DNAJC15: variants seen among roughly 807,000 people sequenced by gnomAD.
DNAJC15 encodes the protein DnaJ heat shock protein family (Hsp40) member C15.
In DNAJC15, 27 loss-of-function variants were observed where a neutral mutation model predicts 22.4. That is an observed-to-expected ratio of 1.20 (90% confidence interval 0.89 to 1.66). The LOEUF (loss-of-function observed/expected upper bound fraction) is 1.66. Among genes scored for constraint, DNAJC15 ranks in the 40% most tolerant of loss-of-function variants. DNAJC15 has a pLI of 0.00. For missense variants in DNAJC15, 208 were observed against 187.1 expected (o/e 1.11, Z -0.65); for synonymous variants, 79 against 63.2 (o/e 1.25, Z -1.19).
At chr13:43,084,441 G>A (rs1330193852) in intron 4 of DNAJC15, among the ~76,000 whole-genome samples, 3 of 152,162 alleles carry the variant, frequency 2.0e-5, no homozygotes, top group Non-Finnish European at 4.4e-5. Context: ...CAGCTAATAA[G>A]TAGTGGAATC....
intron 3 of DNAJC15, among the ~76,000 whole-genome samples, chr13:43,073,387 G>A (rs190217531): frequency 2.0e-5 from 3 of 152,244 alleles, no homozygotes; most frequent in Admixed American, 1.3e-4. Context: ...TCTGAAATGG[G>A]ATCTGCTGGT....
At chr13:43,077,058 T>A (rs1007166628) in intron 3 of DNAJC15, among the ~76,000 whole-genome samples, 1 of 152,208 alleles carries the variant, frequency 6.6e-6, no homozygotes, top group Non-Finnish European at 1.5e-5. Flanking sequence ...CTTACTTCAG[T>A]CTCATGGCTT....
intron 5 of DNAJC15, among the ~76,000 whole-genome samples, chr13:43,101,152 G>A (rs2040767044): frequency 6.6e-6 from 1 of 152,166 alleles, no homozygotes; most frequent in African/African-American, 2.4e-5. Context: ...TCTAAAGTGT[G>A]TCTCCTGTAG....
At chr13:43,028,249 T>C (rs2040389325) in intron 1 of DNAJC15, among the ~76,000 whole-genome samples, 1 of 152,236 alleles carries the variant, frequency 6.6e-6, no homozygotes, top group African/African-American at 2.4e-5. Context: ...TAGCTCATTA[T>C]AGTCTTCCCT....
chr13:43,092,454 A>T (rs1331863724), intron 5 of DNAJC15, among the ~76,000 whole-genome samples: 1 of 151,808 alleles, frequency 6.6e-6, no homozygotes, highest in Non-Finnish European at 1.5e-5. Flanking sequence ...GTCCTTTTAC[A>T]TTTAATGTAG....
At chr13:43,029,502 G>A (rs1027051479) in intron 1 of DNAJC15, among the ~76,000 whole-genome samples, 5 of 147,584 alleles carry the variant, frequency 3.4e-5, no homozygotes, top group Non-Finnish European at 7.4e-5. Flanking sequence ...AGAATAAAAT[G>A]CCATAGGGAA....
At chr13:43,086,101 A>G (rs906962033) in intron 5 of DNAJC15, among the ~76,000 whole-genome samples, 1 of 152,210 alleles carries the variant, frequency 6.6e-6, no homozygotes, top group African/African-American at 2.4e-5. Context: ...CATTTTTATC[A>G]AGAAAAATCG....
intron 5 of DNAJC15, among the ~76,000 whole-genome samples, chr13:43,101,076 G>A (rs2040766563): frequency 6.6e-6 from 1 of 152,148 alleles, no homozygotes; most frequent in South Asian, 2.1e-4. Context: ...TAGCTTTTCA[G>A]TGATTTGCTG....
intron 1 of DNAJC15, among the ~76,000 whole-genome samples, chr13:43,024,017 T>A (rs965823949): frequency 1.3e-5 from 2 of 152,214 alleles, no homozygotes; most frequent in African/African-American, 4.8e-5. Flanking sequence ...AAATAAGTGC[T>A]GTATGTGGAT....
intron 1 of DNAJC15, among the ~76,000 whole-genome samples, chr13:43,037,599 CTTT>C (rs938187660): frequency 6.6e-6 from 1 of 151,930 alleles, no homozygotes; most frequent in Non-Finnish European, 1.5e-5. Context: ...CTTCCTTTTT[CTTT>C]TTTTAATAAC....
intron 5 of DNAJC15, among the ~76,000 whole-genome samples, chr13:43,088,327 AC>A (rs1566214555): frequency 6.6e-6 from 1 of 152,212 alleles, no homozygotes; most frequent in Admixed American, 6.5e-5. Context: ...CTTGAGAGGC[AC>A]TGATCTAATC....
intron 3 of DNAJC15, among the ~76,000 whole-genome samples, chr13:43,073,542 TTA>T (rs1018854313): frequency 6.6e-6 from 1 of 152,192 alleles, no homozygotes; most frequent in African/African-American, 2.4e-5. Flanking sequence ...AATGATCTGT[TTA>T]TATTGTTCTG....
At chr13:43,062,701 T>A (rs1021997509) in intron 1 of DNAJC15, among the ~76,000 whole-genome samples, 1 of 152,142 alleles carries the variant, frequency 6.6e-6, no homozygotes, top group Admixed American at 6.5e-5. Flanking sequence ...AAAAATTAAA[T>A]ACTTTATATT....
At chr13:43,092,757 TA>T (rs1343657233) in intron 5 of DNAJC15, among the ~76,000 whole-genome samples, 1 of 152,050 alleles carries the variant, frequency 6.6e-6, no homozygotes, top group South Asian at 2.1e-4. Context: ...AGTAAAAATT[TA>T]AAAAAATTAG....
intron 1 of DNAJC15, among the ~76,000 whole-genome samples, chr13:43,062,405 G>A (rs535396703): frequency 9.8e-5 from 15 of 152,322 alleles, no homozygotes; most frequent in Non-Finnish European, 1.6e-4. Flanking sequence ...TAAATGGCAA[G>A]TGAATCCCTA....
intron 4 of DNAJC15, among the ~76,000 whole-genome samples, 166 bp from the exon 5 acceptor site, chr13:43,085,601 AT>A (rs916898599): frequency 6.6e-6 from 1 of 152,150 alleles, no homozygotes. Flanking sequence ...TGAATCAATG[AT>A]TTATTTTGAT....
chr13:43,032,777 A>T (rs1272752379), intron 1 of DNAJC15, among the ~76,000 whole-genome samples: 1 of 152,148 alleles, frequency 6.6e-6, no homozygotes, highest in Non-Finnish European at 1.5e-5. Flanking sequence ...GTGAACCCAG[A>T]TCACACCACT....
intron 1 of DNAJC15, among the ~76,000 whole-genome samples, chr13:43,041,682 T>C (rs555039095): frequency 1.1e-4 from 16 of 152,356 alleles, no homozygotes; most frequent in African/African-American, 3.8e-4. Flanking sequence ...GACCCTATGC[T>C]TCAGTTTTAG....
chr13:43,034,210 C>T (rs950617858), intron 1 of DNAJC15, among the ~76,000 whole-genome samples: 1 of 149,868 alleles, frequency 6.7e-6, no homozygotes, highest in African/African-American at 2.5e-5. Flanking sequence ...CTTTGTGCAG[C>T]CCACATTTAA....
Sources: gnomAD v4.1 joint callset for allele counts (sites outside exome capture counted in the v4.1 genomes callset) on GRCh38, gnomAD v4.1.1 for gene constraint, MANE v1.5 for transcripts, NCBI Gene and HGNC (gene_info 2026-07-23, HGNC 2026-07-21) for gene names.